The following PRKCA variants were observed in gnomAD, a reference collection of about 807,000 sequenced individuals.
The protein encoded by PRKCA is protein kinase C alpha type.
A neutral mutation model predicts 87.0 loss-of-function variants in PRKCA; 27 were observed. The ratio of observed to expected loss-of-function variants is 0.31; its 90% CI spans 0.23 to 0.43. The LOEUF (loss-of-function observed/expected upper bound fraction) is 0.43. Among genes scored for constraint, PRKCA ranks in the 20% least tolerant of loss-of-function variants. The probability of loss-of-function intolerance (pLI) is 1.00; values close to 1 mark genes in which losing one functional copy is unlikely to be tolerated. For synonymous variants in PRKCA, 329 were observed against 311.1 expected (o/e 1.06, Z -0.61); for missense variants, 518 against 852.3 (o/e 0.61, Z 4.88).
At chr17:66,635,385 G>A (rs950394683) in intron 3 of PRKCA, among the ~76,000 whole-genome samples, 5 of 152,192 alleles carry the variant, frequency 3.3e-5, no homozygotes, top group African/African-American at 4.8e-5. Flanking sequence ...CCTGGAAGCC[G>A]CAAGCCTTAC....
At chr17:66,474,812 C>T (rs536406586) in intron 2 of PRKCA, among the ~76,000 whole-genome samples, 78 of 152,250 alleles carry the variant, frequency 5.1e-4, no homozygotes, top group Non-Finnish European at 9.1e-4. Flanking sequence ...GTGTGTTGCG[C>T]GTAACCTCGG....
intron 5 of PRKCA, among the ~76,000 whole-genome samples, chr17:66,650,960 T>G (rs1398998808): frequency 6.6e-6 from 1 of 152,174 alleles, no homozygotes; most frequent in African/African-American, 2.4e-5. Flanking sequence ...CTAGACCGTG[T>G]CACAGACTGT....
chr17:66,609,017 A>G (rs536658385), intron 3 of PRKCA, among the ~76,000 whole-genome samples: 2 of 152,328 alleles, frequency 1.3e-5, no homozygotes, highest in African/African-American at 4.8e-5. Context: ...GTTTGCGTGA[A>G]TGAAGAACTC....
At chr17:66,421,789 C>T (rs1000831679) in intron 2 of PRKCA, among the ~76,000 whole-genome samples, 2 of 151,762 alleles carry the variant, frequency 1.3e-5, no homozygotes, top group South Asian at 2.1e-4. Context: ...GTGATCCACC[C>T]GCCTTGGCCT....
At chr17:66,685,404 A>G (rs982150050) in intron 5 of PRKCA, among the ~76,000 whole-genome samples, 10 of 152,160 alleles carry the variant, frequency 6.6e-5, no homozygotes, top group Admixed American at 3.9e-4. Context: ...TTTGTGTGCT[A>G]TCTGCTCCCT....
At chr17:66,331,707 AT>A (rs1178764921) in intron 2 of PRKCA, among the ~76,000 whole-genome samples, 1 of 152,190 alleles carries the variant, frequency 6.6e-6, no homozygotes, top group Non-Finnish European at 1.5e-5. Context: ...CAACTTAATT[AT>A]CTTAAGAGGT....
chr17:66,673,488 A>G (rs910106907), intron 5 of PRKCA, among the ~76,000 whole-genome samples: 6 of 152,202 alleles, frequency 3.9e-5, no homozygotes, highest in Admixed American at 3.9e-4. Context: ...GATCAGGTGT[A>G]TTTTTAGTGT....
chr17:66,796,803 G>A, intron 16 of PRKCA: 2 of 985,336 alleles, frequency 2.0e-6, no homozygotes, highest in Non-Finnish European at 2.4e-6. Flanking sequence ...GGTTGCTAAG[G>A]CGCTCCACTG....
At chr17:66,551,490 C>T (rs1314990015) in intron 3 of PRKCA, among the ~76,000 whole-genome samples, 1 of 152,262 alleles carries the variant, frequency 6.6e-6, no homozygotes, top group Non-Finnish European at 1.5e-5. Flanking sequence ...CATAGGGCAG[C>T]TCGCAGCATG....
At chr17:66,470,789 A>G (rs1050178871) in intron 2 of PRKCA, among the ~76,000 whole-genome samples, 15 of 152,220 alleles carry the variant, frequency 9.9e-5, no homozygotes, top group African/African-American at 3.6e-4. Flanking sequence ...CAAATGTTTA[A>G]CCACTTGAGT....
Position 66,480,862 on chromosome 17 carries a change from A to G in PRKCA, c.206-15339A>G, listed in dbSNP as rs1167956660. On this transcript the variant is annotated intron_variant, in intron 2 of 16. Coordinates refer to ENST00000413366, the MANE Select transcript of PRKCA (RefSeq NM_002737.3). Reference sequence around the variant, plus strand: ...CAGCTTCAGCTTCCTACTTTCCTTCAGTGAACCATGGCTGAAGGTAACGTT... The same window carrying G: ...CAGCTTCAGCTTCCTACTTTCCTTCGGTGAACCATGGCTGAAGGTAACGTT... 2.0e-5 allele frequency among the ~76,000 whole-genome samples: 3 copies of G among 151,716 alleles called. No homozygotes were observed. The East Asian group carries it at 5.8e-4, about 29-fold the overall frequency.
chr17:66,587,871 G>A (rs1359807298), intron 3 of PRKCA, among the ~76,000 whole-genome samples: 75 of 36,920 alleles, frequency 2.0e-3, no homozygotes, highest in African/African-American at 6.0e-3. Context: ...ACATATGTAT[G>A]TGTGTGTGTG....
chr17:66,464,126 G>A (rs907560832), intron 2 of PRKCA, among the ~76,000 whole-genome samples: 3 of 152,110 alleles, frequency 2.0e-5, no homozygotes, highest in African/African-American at 7.2e-5. Context: ...TTGGAATCCT[G>A]CAGCATGTAA....
intron 2 of PRKCA, among the ~76,000 whole-genome samples, chr17:66,493,447 G>A (rs574423381): frequency 7.9e-5 from 12 of 152,014 alleles, no homozygotes; most frequent in African/African-American, 2.9e-4. Flanking sequence ...AAGGACGGGG[G>A]GCTGTGGTGT....
In PRKCA at chr17:66,594,188, C is replaced by T. The variant is rs145558131; in HGVS notation, c.289-47167C>T. Reference sequence around the variant, plus strand: ...CTTTTTCCCAACCATGGCTCTTCCACTGGAGTATTTCACAGGGAGATCCAA... The same window carrying T: ...CTTTTTCCCAACCATGGCTCTTCCATTGGAGTATTTCACAGGGAGATCCAA... On this transcript the variant is annotated intron_variant, in intron 3 of 16. Transcript: ENST00000413366. 3.7e-3 allele frequency among the ~76,000 whole-genome samples: 569 copies of T among 152,324 alleles called. 9 individuals are homozygous for T. The highest frequency in any genetic ancestry group is 0.013 in the African/African-American group (520 of 41,572).
chr17:66,775,040 A>G, intron 14 of PRKCA: 1 of 985,436 alleles, frequency 1.0e-6, no homozygotes, highest in Non-Finnish European at 1.2e-6. Context: ...CCTGGCCCCT[A>G]AGACATCCTT....
intron 3 of PRKCA, among the ~76,000 whole-genome samples, chr17:66,612,919 A>G (rs1970408942): frequency 6.6e-6 from 1 of 152,214 alleles, no homozygotes; most frequent in African/African-American, 2.4e-5. Context: ...ACTATAGAGT[A>G]TGTATAAAGT....
intron 13 of PRKCA, among the ~76,000 whole-genome samples, chr17:66,746,666 G>A (rs952130576): frequency 6.6e-6 from 1 of 152,092 alleles, no homozygotes; most frequent in Non-Finnish European, 1.5e-5. Context: ...AAGCCGAGCT[G>A]AGGCAAAAAA....
rs181467996 is a variant in PRKCA, at chr17:66,493,648, C to T, written c.206-2553C>T. ...GGGATCTGGGCAGCATTTTCCCATC[C>T]ATAAAATATAGATATTGCAGCATAT... On this transcript the variant is annotated intron_variant, in intron 2 of 16. Coordinates refer to ENST00000413366, the MANE Select transcript of PRKCA (RefSeq NM_002737.3). Among the ~76,000 whole-genome samples, 348 of 152,026 alleles carry T rather than the reference C, an allele frequency of 2.3e-3. 2 individuals carry two copies. The highest frequency in any genetic ancestry group is 7.8e-3 in the African/African-American group (325 of 41,468).
Sources: gnomAD v4.1 joint callset for allele counts (sites outside exome capture counted in the v4.1 genomes callset) on GRCh38, gnomAD v4.1.1 for gene constraint, MANE v1.5 for transcripts, NCBI Gene and HGNC (gene_info 2026-07-23, HGNC 2026-07-21) for gene names.